The following AHCY variants were observed in gnomAD, a reference collection of about 807,000 sequenced individuals.
The protein encoded by AHCY is S-adenosyl-L-homocysteine hydrolase.
AHCY carries 24 observed loss-of-function variants against 45.4 expected under a neutral mutation model. The ratio of observed to expected loss-of-function variants is 0.53; its 90% confidence interval spans 0.38 to 0.74. AHCY has a LOEUF of 0.74. Ranked by LOEUF, AHCY falls within the 30% of genes least tolerant of loss-of-function variation. The probability of loss-of-function intolerance (pLI) is 0.00; values close to 1 mark genes in which losing one functional copy is unlikely to be tolerated. For synonymous variants in AHCY, 245 were observed against 235.1 expected, an observed-to-expected ratio of 1.04 and a Z score of -0.39; for missense variants, 449 against 594.1, an observed-to-expected ratio of 0.76 and a Z score of 2.54.
rs1300937790 is a variant in AHCY, at chr20:34,285,239, T to C, written c.1167+201A>G. Among the ~76,000 whole-genome samples, 12 of 152,336 alleles carry C rather than the reference T, an allele frequency of 7.9e-5. No homozygotes were observed. In the East Asian group the frequency reaches 2.1e-3, roughly 27 times the overall value. The stretch of plus-strand genomic sequence containing the variant: ...ACCACCTGGTCCTGCCGCTCTGCTG[T>C]GCTCCAGGGAGCCACTCCCTACTGT... On this transcript the variant is annotated intron_variant, in intron 9 of 9. Transcript: ENST00000217426.
At chr20:34,243,010 A>G in the AHCY span, among the ~76,000 whole-genome samples, 1 of 152,264 alleles carries the variant, frequency 6.6e-6, no homozygotes, top group African/African-American at 2.4e-5. Flanking sequence ...CCTAAAGGGA[A>G]TGATGTCAGG....
At chr20:34,264,003 T>G in the AHCY span, among the ~76,000 whole-genome samples, 40 of 152,064 alleles carry the variant, frequency 2.6e-4, no homozygotes, top group Admixed American at 2.6e-3. Context: ...TTTTGAAGAT[T>G]GACAATTAGA....
the AHCY span, among the ~76,000 whole-genome samples, chr20:34,247,558 A>G: frequency 6.6e-6 from 1 of 151,918 alleles, no homozygotes; most frequent in Non-Finnish European, 1.5e-5. Flanking sequence ...CAGCCTCCCA[A>G]AGTGCTAGGA....
At chr20:34,274,868 C>A in the AHCY span, among the ~76,000 whole-genome samples, 3 of 152,118 alleles carry the variant, frequency 2.0e-5, no homozygotes, top group Admixed American at 2.0e-4. Flanking sequence ...GCAGGAGGAT[C>A]GCTTGAGCTC....
At chr20:34,285,292 G>C in intron 9 of AHCY, 148 bp downstream of exon 9, 1 of 828,812 alleles carries the variant, frequency 1.2e-6, no homozygotes, top group Non-Finnish European at 2.0e-6. Context: ...TCTGTCAATG[G>C]GGAGAATGAC....
chr20:34,277,791 A>G (rs1005908045), downstream of AHCY, among the ~76,000 whole-genome samples: 25 of 151,772 alleles, frequency 1.6e-4, no homozygotes, highest in African/African-American at 6.1e-4. Flanking sequence ...TCAGCATAAA[A>G]ACTCCTCACT....
the AHCY span, among the ~76,000 whole-genome samples, chr20:34,236,180 G>A: frequency 2.7e-4 from 41 of 151,914 alleles, no homozygotes; most frequent in Middle Eastern, 6.8e-3. Flanking sequence ...AAGAAAGAAA[G>A]AAAAGGCTAA....
intron 9 of AHCY, among the ~76,000 whole-genome samples, chr20:34,283,044 T>C (rs373023317): frequency 6.6e-6 from 1 of 152,186 alleles, no homozygotes; most frequent in South Asian, 2.1e-4. Context: ...GGTGATGTGC[T>C]CAGCAGAGAG....
At chr20:34,245,508 C>T in the AHCY span, among the ~76,000 whole-genome samples, 2 of 151,318 alleles carry the variant, frequency 1.3e-5, 1 homozygote, top group South Asian at 4.2e-4. Context: ...AGGCCTCAGC[C>T]TCCTGAGTAG....
chr20:34,307,904 G>A (rs1347161748), upstream of AHCY, among the ~76,000 whole-genome samples: 1 of 152,004 alleles, frequency 6.6e-6, no homozygotes, highest in Non-Finnish European at 1.5e-5. Flanking sequence ...ACCTGGGTAC[G>A]AAGCACAGCA....
At chr20:34,245,321 G>A in the AHCY span, among the ~76,000 whole-genome samples, 2 of 140,908 alleles carry the variant, frequency 1.4e-5, no homozygotes, top group African/African-American at 2.7e-5. Flanking sequence ...GCGACAGTGT[G>A]AGACTCTGTC....
Position 34,285,469 on chromosome 20 carries a change from G to T in AHCY, c.1138C>A (p.Pro380Thr). The T allele has an allele frequency of 6.2e-7, 1 of 1,614,046 alleles. No homozygotes were observed. The highest frequency in any genetic ancestry group is 2.2e-5 in the East Asian group (1 of 44,888). ...IELWTHPDKY[P>T]VGVHFLPKKL... is the part of the protein sequence containing the mutation. ...TTGGGCAGGAAATGAACCCCAACGG[G>T]GTACTTGTCTGGATGGGTCCACAGC... is the stretch of plus-strand genomic sequence containing the variant. The change falls in exon 9 of 10, where the codon CCC becomes ACC. Residue 380 changes from proline to threonine, a missense_variant. By Grantham distance (38) the Pro-to-Thr change is conservative. Coordinates refer to ENST00000217426, the MANE Select transcript of AHCY (RefSeq NM_000687.4).
At chr20:34,259,704 TATGCCAC>T in the AHCY span, among the ~76,000 whole-genome samples, 1 of 151,514 alleles carries the variant, frequency 6.6e-6, no homozygotes, top group African/African-American at 2.4e-5. Context: ...GAGCCGAGAT[TATGCCAC>T]TGCACTCTAG....
chr20:34,252,355 G>T, the AHCY span, among the ~76,000 whole-genome samples: 1 of 152,170 alleles, frequency 6.6e-6, no homozygotes, highest in South Asian at 2.1e-4. Flanking sequence ...GAGAAGGTCA[G>T]CAGGGAAACA....
chr20:34,255,578 T>C, the AHCY span, among the ~76,000 whole-genome samples: 1 of 152,260 alleles, frequency 6.6e-6, no homozygotes, highest in South Asian at 2.1e-4. Context: ...GATGTGATTA[T>C]ATATGAATAT....
At chr20:34,268,941 C>T in the AHCY span, 2 of 1,556,758 alleles carry the variant, frequency 1.3e-6, no homozygotes, top group Non-Finnish European at 1.7e-6. Flanking sequence ...AGGTGAGGAC[C>T]GGAGGGGTGG....
chr20:34,233,308 C>T, the AHCY span, among the ~76,000 whole-genome samples: 9 of 152,084 alleles, frequency 5.9e-5, no homozygotes, highest in South Asian at 1.5e-3. Flanking sequence ...CCACCATGCC[C>T]GGCTAATTTT....
the AHCY span, among the ~76,000 whole-genome samples, chr20:34,270,097 T>A: frequency 3.3e-5 from 5 of 149,500 alleles, no homozygotes; most frequent in African/African-American, 9.9e-5. Context: ...CAAAAAGTTT[T>A]AAAAATTAGC....
chr20:34,270,270 T>C, the AHCY span, among the ~76,000 whole-genome samples: 1 of 149,934 alleles, frequency 6.7e-6, no homozygotes, highest in Non-Finnish European at 1.5e-5. Context: ...AAAAAGGAAA[T>C]AATCATTCCT....
Sources: gnomAD v4.1 joint callset for allele counts (sites outside exome capture counted in the v4.1 genomes callset) on GRCh38, gnomAD v4.1.1 for gene constraint, MANE v1.5 for transcripts, NCBI Gene and HGNC (gene_info 2026-07-23, HGNC 2026-07-21) for gene names.